Variants in GLI2 observed in about 807,000 individuals in gnomAD.
GLI2 encodes the protein transcription activator GLI2.
Under a neutral mutation model 78.9 loss-of-function variants are expected in GLI2, and 22 were observed. The observed-to-expected ratio is 0.28, with a 90% CI of 0.20 to 0.40. The LOEUF is 0.40. GLI2 is among the 10% of genes least tolerant of loss of function. GLI2 has a pLI of 1.00. For synonymous variants in GLI2, 974 were observed against 963.7 expected (o/e 1.01, Z -0.20); for missense variants, 2,097 against 2,213.2 (o/e 0.95, Z 1.05).
intron 1 of GLI2, among the ~76,000 whole-genome samples, chr2:120,773,241 A>G (rs548060076): frequency 1.3e-5 from 2 of 152,224 alleles, no homozygotes; most frequent in South Asian, 4.1e-4. Context: ...GGAAAAGGGG[A>G]GAAAGAGCCA....
rs1343821487 is a variant in GLI2 at position 120,886,201 on chromosome 2, TGTGTGTGTGC to T, written c.149-41155_149-41146del. 7.1e-3 allele frequency among the ~76,000 whole-genome samples: 213 copies of T among 30,030 alleles called. 5 individuals carry two copies. Among genetic ancestry groups the T allele is most frequent in the African/African-American group, 0.065 (191 of 2,926 alleles). The allele number at this position is 30,030 out of a possible 152,430, so 19.7% of individuals were successfully genotyped here. ...GTGTGTGTGTGTGTGTGTGTGTGTG[TGTGTGTGTGC>T]GTGTATATTTTGGTTTTGGGTTTTT... On this transcript the variant is annotated intron_variant, in intron 2 of 13. Transcript: ENST00000361492.
At chr2:120,911,094 G>T (rs1678794033) in intron 2 of GLI2, among the ~76,000 whole-genome samples, 1 of 152,178 alleles carries the variant, frequency 6.6e-6, no homozygotes. Flanking sequence ...GTCGGGCAAA[G>T]ACTGGGACCT....
chr2:120,855,587 C>T (rs529427339), intron 2 of GLI2, among the ~76,000 whole-genome samples: 1 of 152,242 alleles, frequency 6.6e-6, no homozygotes, highest in Non-Finnish European at 1.5e-5. Flanking sequence ...TTCCCAAAGA[C>T]GCTCTCCAGA....
intron 5 of GLI2, 146 bp downstream of exon 5, chr2:120,955,576 A>G: frequency 1.6e-6 from 1 of 607,262 alleles, no homozygotes; most frequent in South Asian, 2.1e-5. Context: ...GGCTGTCCAC[A>G]GGCACTGAAT....
At chr2:120,827,932 A>T (rs1299848362) in intron 2 of GLI2, among the ~76,000 whole-genome samples, 1 of 152,214 alleles carries the variant, frequency 6.6e-6, no homozygotes, top group African/African-American at 2.4e-5. Flanking sequence ...ATTTGGGAAG[A>T]TGAAAAAGCT....
chr2:120,945,957 T>TCTCACACACA (rs1553470434), intron 3 of GLI2, among the ~76,000 whole-genome samples: 28 of 134,258 alleles, frequency 2.1e-4, no homozygotes, highest in African/African-American at 6.4e-4. Flanking sequence ...CATAACCTTC[T>TCTCACACACA]CACACACACA....
chr2:120,989,855 C>A lies in GLI2; in HGVS notation c.3890C>A (p.Pro1297Gln). ...VPDSALAGVP[P>Q]PHPVQSYPQQ... ...GATTCAGCCCTGGCTGGAGTGCCAC[C>A]ACCTCACCCAGTCCAGAGCTACCCA... The change falls in exon 14 of 14, where the codon CCA becomes CAA. Residue 1297 changes from proline to glutamine, a missense_variant. Transcript: ENST00000361492. 1 of 1,612,886 alleles carries A rather than the reference C, an allele frequency of 6.2e-7. No individual in the cohort carries two copies. The highest frequency in any genetic ancestry group is 1.3e-5 in the African/African-American group (1 of 75,070).
chr2:120,963,565 GGTGTGTGTGTATGTGTCCACCTGGGT>G (rs1187541949), intron 5 of GLI2, among the ~76,000 whole-genome samples: 1 of 151,664 alleles, frequency 6.6e-6, no homozygotes, highest in Non-Finnish European at 1.5e-5. Flanking sequence ...GTCCACCTGG[GGTGTGTGTGTATGTGTCCACCTGGGT>G]GTGTGTGTGT....
chr2:120,782,372 G>C (rs1268086657), intron 1 of GLI2, among the ~76,000 whole-genome samples: 1 of 152,134 alleles, frequency 6.6e-6, no homozygotes, highest in East Asian at 1.9e-4. Context: ...GGCCTTCTTT[G>C]GTTTAAGTGC....
chr2:120,943,444 CTG>C (rs1285943121), intron 3 of GLI2, among the ~76,000 whole-genome samples: 1 of 152,214 alleles, frequency 6.6e-6, no homozygotes, highest in African/African-American at 2.4e-5. Context: ...CCTGCTGCCA[CTG>C]AGGTCATAAG....
At chr2:120,773,317 G>T (rs1356515703) in intron 1 of GLI2, among the ~76,000 whole-genome samples, 6 of 152,110 alleles carry the variant, frequency 3.9e-5, no homozygotes, top group African/African-American at 1.2e-4. Context: ...ATGGTGAGTG[G>T]CATTCTGAGA....
chr2:120,778,655 T>C (rs908543555), intron 1 of GLI2, among the ~76,000 whole-genome samples: 9 of 151,328 alleles, frequency 5.9e-5, no homozygotes, highest in Non-Finnish European at 1.2e-4. Flanking sequence ...GCCCAGGGGG[T>C]ATACAGCAGG....
intron 2 of GLI2, among the ~76,000 whole-genome samples, chr2:120,865,035 C>A (rs1398139336): frequency 6.6e-6 from 1 of 152,138 alleles, no homozygotes; most frequent in Non-Finnish European, 1.5e-5. Flanking sequence ...TGAACATTGC[C>A]CCAGGGAAGC....
intron 2 of GLI2, among the ~76,000 whole-genome samples, chr2:120,867,734 A>G (rs529423639): frequency 3.9e-5 from 6 of 152,234 alleles, no homozygotes; most frequent in Admixed American, 2.6e-4. Context: ...CTGCGCTCCA[A>G]GTTTGAAGCC....
rs374564316 is a variant in GLI2, at chr2:120,986,433, C to T, written c.2061C>T (p.Ala687=). The part of the protein sequence containing the change: ...LTALDDTPPG[A]DTSALAAPSA... ...CACTGGATGACACACCCCCAGGGGC[C>T]GACACCTCAGCCCTGGCTGCCCCCT... Residue 687 remains alanine, a synonymous_variant, in exon 13 of 14, where the codon GCC becomes GCT. Transcript: ENST00000361492. The T allele has an allele frequency of 2.0e-5, 33 of 1,613,866 alleles. No individual in the cohort carries two copies. Among genetic ancestry groups the T allele is most frequent in the East Asian group, 1.1e-4 (5 of 44,868 alleles).
chr2:120,873,327 T>G (rs1029259874), intron 2 of GLI2, among the ~76,000 whole-genome samples: 1 of 152,250 alleles, frequency 6.6e-6, no homozygotes. Context: ...TATTTTAAAC[T>G]TATTTAAACC....
chr2:120,970,726 G>A lies in GLI2; in HGVS notation c.1059+120G>A, dbSNP rs1573702773. 9.3e-6 allele frequency: 8 copies of A among 863,438 alleles called. No homozygotes were observed. The East Asian group carries it at 2.1e-4, about 23-fold the overall frequency. The allele number at this position is 863,438 out of a possible 1,614,324, so 53.5% of individuals were successfully genotyped here. On this transcript the variant is annotated intron_variant, in intron 7 of 13. Coordinates refer to ENST00000361492, the MANE Select transcript of GLI2 (RefSeq NM_001374353.1). The stretch of plus-strand genomic sequence containing the variant: ...CCTCTGGATTTACGTCTGGCCGCTA[G>A]GGTGCCTTCTGGGCAGAGGCCACGT...
At chr2:120,900,235 T>C (rs1678188545) in intron 2 of GLI2, among the ~76,000 whole-genome samples, 1 of 152,218 alleles carries the variant, frequency 6.6e-6, no homozygotes, top group Non-Finnish European at 1.5e-5. Context: ...GGCTCTTTCT[T>C]GTTCCTTCTT....
intron 9 of GLI2, among the ~76,000 whole-genome samples, chr2:120,977,921 T>C (rs2677539): frequency 0.62 from 94,748 of 152,114 alleles, 30,930 homozygotes; most frequent in Non-Finnish European, 0.74. Context: ...TATTTTTCTA[T>C]TGAAACAAAA....
Sources: allele counts gnomAD v4.1 joint callset (sites outside exome capture counted in the v4.1 genomes callset), GRCh38; gene constraint gnomAD v4.1.1; transcripts MANE v1.5; gene names NCBI Gene and HGNC (gene_info 2026-07-23, HGNC 2026-07-21).